FOXP1: variants seen among roughly 807,000 people sequenced by gnomAD.
The protein encoded by FOXP1 is forkhead box P1, also known as forkhead box protein P1.
Under a neutral mutation model 98.2 loss-of-function variants are expected in FOXP1, and 15 were observed. That is an observed-to-expected ratio of 0.15 (90% CI 0.10 to 0.24). FOXP1 has a LOEUF of 0.24. FOXP1 is among the 10% of genes least tolerant of loss of function. The pLI is 1.00. For synonymous variants in FOXP1, 371 were observed against 314.5 expected (o/e 1.18, Z -1.90); for missense variants, 633 against 848.5 (o/e 0.75, Z 3.15).
Position 71,456,835 on chromosome 3 carries a change from A to G in FOXP1, c.-168+36591T>C, listed in dbSNP as rs115011081. ...TTTTTTTTTTTTCTGTGATATATCT[A>G]TGTCAACTCATATCAGTGGCTTTAT... is the stretch of plus-strand genomic sequence containing the variant. On this transcript the variant is annotated intron_variant, in intron 3 of 20. Coordinates refer to ENST00000649528, the MANE Select transcript of FOXP1 (RefSeq NM_001349338.3). Among the ~76,000 whole-genome samples the G allele has an allele frequency of 4.4e-3, 670 of 151,312 alleles. 6 individuals carry two copies. Among genetic ancestry groups the G allele is most frequent in the African/African-American group, 0.016 (645 of 41,238 alleles).
At chr3:71,070,875 A>T (rs2053137512) in intron 7 of FOXP1, among the ~76,000 whole-genome samples, 1 of 152,112 alleles carries the variant, frequency 6.6e-6, no homozygotes, top group African/African-American at 2.4e-5. Context: ...AGGAAGTAGC[A>T]CTCTTGACAG....
chr3:71,549,387 T>A (rs963122542), intron 2 of FOXP1, among the ~76,000 whole-genome samples: 8 of 152,178 alleles, frequency 5.3e-5, no homozygotes, highest in Non-Finnish European at 8.8e-5. Flanking sequence ...TTTAAAAAAA[T>A]TTTTTGAGAT....
chr3:70,958,220 G>GAA lies in FOXP1; in HGVS notation c.*1025_*1026dup, dbSNP rs1357407320. Reference sequence around the variant, plus strand: ...GCAAAAAAAAAAAAAGAAAAGAAAAGAAAAAAAGAAAATCCGAAACACCCC... The same window carrying GAA: ...GCAAAAAAAAAAAAAGAAAAGAAAAGAAAAAAAAAGAAAATCCGAAACACCCC... On this transcript the variant is annotated 3_prime_UTR_variant, in exon 21 of 21. Coordinates refer to ENST00000649528, the MANE Select transcript of FOXP1 (RefSeq NM_001349338.3). The GAA allele has an allele frequency of 1.0e-5, 4 of 391,292 alleles. No homozygotes were observed. The highest frequency in any genetic ancestry group is 1.9e-5 in the Non-Finnish European group (4 of 208,854). 24.2% of individuals were successfully genotyped at this position (391,292 alleles called of 1,614,324 possible). A position where few individuals can be genotyped will look rare whatever the true frequency, so the allele number is the denominator to read the frequency against.
chr3:70,966,216 G>C (rs1047640881), intron 19 of FOXP1, 160 bp from the exon 20 acceptor site: 2 of 714,626 alleles, frequency 2.8e-6, no homozygotes, highest in Admixed American at 2.1e-5. Context: ...CTTTAAAAAC[G>C]ACTCGTGGCA....
chr3:71,383,454 A>G (rs533913796), intron 3 of FOXP1, among the ~76,000 whole-genome samples: 20 of 152,322 alleles, frequency 1.3e-4, no homozygotes, highest in East Asian at 3.9e-4. Flanking sequence ...ATAAGTATCA[A>G]TGAGAAAATG....
At chr3:71,207,817 T>G (rs1359310935) in intron 5 of FOXP1, among the ~76,000 whole-genome samples, 1 of 152,180 alleles carries the variant, frequency 6.6e-6, no homozygotes, top group Non-Finnish European at 1.5e-5. Context: ...AGGCTAATGT[T>G]CAGGTCTTAT....
At chr3:71,385,766 T>G (rs1258591238) in intron 3 of FOXP1, among the ~76,000 whole-genome samples, 2 of 152,204 alleles carry the variant, frequency 1.3e-5, no homozygotes, top group Non-Finnish European at 2.9e-5. Flanking sequence ...CTTTATCTCC[T>G]AAGACTGATT....
intron 3 of FOXP1, among the ~76,000 whole-genome samples, chr3:71,473,872 C>G (rs143764713): frequency 6.6e-6 from 1 of 152,234 alleles, no homozygotes; most frequent in South Asian, 2.1e-4. Flanking sequence ...ATAGTGATGA[C>G]GTCCTCATGG....
chr3:71,015,111 C>T (rs1031650528), intron 12 of FOXP1, among the ~76,000 whole-genome samples: 1 of 151,274 alleles, frequency 6.6e-6, no homozygotes, highest in African/African-American at 2.4e-5. Context: ...ATGTTGTGCA[C>T]ACGTACCCTA....
At chr3:71,280,247 T>C (rs936896531) in intron 5 of FOXP1, among the ~76,000 whole-genome samples, 5 of 152,080 alleles carry the variant, frequency 3.3e-5, no homozygotes, top group African/African-American at 1.2e-4. Flanking sequence ...TATGTTCTAA[T>C]TCAATATATT....
intron 3 of FOXP1, among the ~76,000 whole-genome samples, chr3:71,383,070 C>G (rs1390597483): frequency 6.6e-6 from 1 of 152,182 alleles, no homozygotes; most frequent in Non-Finnish European, 1.5e-5. Flanking sequence ...ACTGTGAAAA[C>G]TATGAAAGAT....
chr3:71,118,752 A>C (rs149757039), intron 6 of FOXP1, among the ~76,000 whole-genome samples: 1 of 152,356 alleles, frequency 6.6e-6, no homozygotes, highest in East Asian at 1.9e-4. Flanking sequence ...TTGAGAAAAA[A>C]ATAAAATAAG....
intron 4 of FOXP1, among the ~76,000 whole-genome samples, chr3:71,302,200 A>G (rs1054698442): frequency 1.3e-5 from 2 of 152,204 alleles, no homozygotes; most frequent in Non-Finnish European, 2.9e-5. Flanking sequence ...TGAGAAAAAG[A>G]TTAATAGTTC....
At position 70,971,856 on chromosome 3, in the gene FOXP1, C is replaced by T. The variant is rs1014914079; in HGVS notation, c.1652+699G>A. 3.1e-5 allele frequency: 15 copies of T among 477,458 alleles called. No individual in the cohort carries two copies. The South Asian group carries it at 3.5e-4, about 11-fold the overall frequency. 29.6% of individuals were successfully genotyped at this position (477,458 alleles called of 1,614,324 possible). ...AAGGCACTGGTGTTCCAAAGAGAAA[C>T]GAGAGCAATACATGTACAAATCACA... is the stretch of plus-strand genomic sequence containing the variant. On this transcript the variant is annotated intron_variant, in intron 18 of 20. Transcript: ENST00000649528.
chr3:71,196,869 G>A (rs186390713), intron 6 of FOXP1, among the ~76,000 whole-genome samples: 2 of 152,296 alleles, frequency 1.3e-5, no homozygotes, highest in Admixed American at 1.3e-4. Flanking sequence ...GGCTGCCAAT[G>A]AAAGAAAGAT....
At chr3:71,047,485 A>G (rs1250762743) in intron 9 of FOXP1, among the ~76,000 whole-genome samples, 1 of 152,194 alleles carries the variant, frequency 6.6e-6, no homozygotes, top group Non-Finnish European at 1.5e-5. Flanking sequence ...GTAAAAGAAC[A>G]AGTTGCCTCC....
intron 5 of FOXP1, among the ~76,000 whole-genome samples, chr3:71,285,975 C>T (rs75974237): frequency 0.018 from 2,694 of 152,216 alleles, 82 homozygotes; most frequent in African/African-American, 0.061. Flanking sequence ...TTCTGAGAAA[C>T]GTGTTGTTAG....
At chr3:71,387,788 C>T (rs13093476) in intron 3 of FOXP1, among the ~76,000 whole-genome samples, 1 of 152,178 alleles carries the variant, frequency 6.6e-6, no homozygotes, top group East Asian at 1.9e-4. Context: ...CAAACAAAGT[C>T]GTTGTTCAAT....
chr3:71,126,353 G>A (rs1348362733), intron 6 of FOXP1, among the ~76,000 whole-genome samples: 1 of 151,830 alleles, frequency 6.6e-6, no homozygotes, highest in African/African-American at 2.4e-5. Flanking sequence ...GCCAGGCGTG[G>A]TGGCAGGCGC....
Sources: gnomAD v4.1 joint callset for allele counts (sites outside exome capture counted in the v4.1 genomes callset) on GRCh38, gnomAD v4.1.1 for gene constraint, MANE v1.5 for transcripts, NCBI Gene and HGNC (gene_info 2026-07-23, HGNC 2026-07-21) for gene names.